The following EDIL3 variants were observed in gnomAD, a reference collection of about 807,000 sequenced individuals.
The protein encoded by EDIL3 is EGF like and discoidin domains 3, also known as EGF-like repeat and discoidin I-like domain-containing protein 3.
Under a neutral mutation model 67.4 loss-of-function variants are expected in EDIL3, and 37 were observed. That is an observed-to-expected ratio of 0.55 (90% confidence interval 0.42 to 0.72). The LOEUF (loss-of-function observed/expected upper bound fraction) is 0.72. Ranked by LOEUF, EDIL3 falls within the 30% of genes least tolerant of loss-of-function variation. EDIL3 has a pLI of 0.00. For synonymous variants in EDIL3, 195 were observed against 196.3 expected, an observed-to-expected ratio of 0.99 and a Z score of 0.05; for missense variants, 527 against 586.3, an observed-to-expected ratio of 0.90 and a Z score of 1.04.
intron 1 of EDIL3, among the ~76,000 whole-genome samples, chr5:84,372,252 C>T (rs115151715): frequency 0.019 from 2,905 of 151,970 alleles, 94 homozygotes; most frequent in African/African-American, 0.066. Flanking sequence ...AAAATATGTA[C>T]GACTTCAGCA....
intron 3 of EDIL3, among the ~76,000 whole-genome samples, chr5:84,196,107 C>T (rs1743698439): frequency 6.6e-6 from 1 of 151,850 alleles, no homozygotes; most frequent in Admixed American, 6.6e-5. Flanking sequence ...ATGTTGTTGC[C>T]TCTACCTTCA....
At chr5:84,213,190 GGT>G (rs1491340847) in intron 3 of EDIL3, among the ~76,000 whole-genome samples, 13 of 71,032 alleles carry the variant, frequency 1.8e-4, no homozygotes, top group East Asian at 1.7e-3. Context: ...TATTTTCAGT[GGT>G]TTTTTTTTTT....
At chr5:84,279,131 C>A (rs1236400997) in intron 1 of EDIL3, among the ~76,000 whole-genome samples, 1 of 152,090 alleles carries the variant, frequency 6.6e-6, no homozygotes, top group African/African-American at 2.4e-5. Context: ...TGTAAATTTC[C>A]TACCTCCCTT....
intron 9 of EDIL3, among the ~76,000 whole-genome samples, chr5:84,026,003 G>T (rs1396467286): frequency 2.6e-5 from 4 of 151,956 alleles, no homozygotes; most frequent in Non-Finnish European, 2.9e-5. Flanking sequence ...CATAAATTTG[G>T]TTTCATAAAA....
At chr5:83,955,549 T>C (rs1744500680) in intron 10 of EDIL3, among the ~76,000 whole-genome samples, 1 of 151,722 alleles carries the variant, frequency 6.6e-6, no homozygotes, top group Non-Finnish European at 1.5e-5. Flanking sequence ...AGCATGTATT[T>C]ACTCCTTATT....
chr5:83,993,227 C>T (rs1249317857), intron 9 of EDIL3, among the ~76,000 whole-genome samples: 1 of 152,070 alleles, frequency 6.6e-6, no homozygotes, highest in Non-Finnish European at 1.5e-5. Context: ...GGATAGTGTA[C>T]AGTTGCCCAA....
At chr5:84,298,473 T>C (rs1368522403) in intron 1 of EDIL3, among the ~76,000 whole-genome samples, 1 of 152,070 alleles carries the variant, frequency 6.6e-6, no homozygotes, top group African/African-American at 2.4e-5. Context: ...CTGGGGCCTG[T>C]CAGAGGCTTG....
At chr5:84,322,567 A>G (rs1248819451) in intron 1 of EDIL3, among the ~76,000 whole-genome samples, 1 of 152,144 alleles carries the variant, frequency 6.6e-6, no homozygotes, top group Non-Finnish European at 1.5e-5. Context: ...AACAGAACCT[A>G]TGAAACAGAG....
chr5:84,195,810 T>C (rs1743691950), intron 3 of EDIL3, among the ~76,000 whole-genome samples: 1 of 152,016 alleles, frequency 6.6e-6, no homozygotes, highest in Admixed American at 6.6e-5. Flanking sequence ...TTTTTCTAGA[T>C]AAAAGAATTT....
At chr5:84,058,926 T>C (rs567431503) in intron 9 of EDIL3, among the ~76,000 whole-genome samples, 1 of 152,078 alleles carries the variant, frequency 6.6e-6, no homozygotes, top group Non-Finnish European at 1.5e-5. Context: ...ATACTCCTTA[T>C]CTTCAAAAAG....
In EDIL3 at chr5:84,266,365, G is replaced by A. The variant is rs942459770; in HGVS notation, c.68-12153C>T. On this transcript the variant is annotated intron_variant, in intron 1 of 10. Coordinates refer to ENST00000296591, the MANE Select transcript of EDIL3 (RefSeq NM_005711.5). ...ACATGAAAGAGGAGGGCTTTATGCA[G>A]CTCTAACCCAAAGCTCAGAAACCAG... 2.6e-5 allele frequency among the ~76,000 whole-genome samples: 4 copies of A among 152,116 alleles called. No homozygotes were observed. The South Asian group carries it at 8.3e-4, about 32-fold the overall frequency.
chr5:84,230,784 T>G (rs2112044260), intron 2 of EDIL3, among the ~76,000 whole-genome samples: 1 of 151,982 alleles, frequency 6.6e-6, no homozygotes, highest in East Asian at 2.0e-4. Context: ...TGTGTGTGTG[T>G]GTGTGTGTGT....
intron 9 of EDIL3, among the ~76,000 whole-genome samples, chr5:84,028,417 C>A (rs987817071): frequency 6.6e-6 from 1 of 152,134 alleles, no homozygotes; most frequent in African/African-American, 2.4e-5. Flanking sequence ...ATTGAAAAGG[C>A]AATATGATTT....
chr5:83,986,704 A>C (rs1176593215), intron 9 of EDIL3, among the ~76,000 whole-genome samples: 1 of 152,134 alleles, frequency 6.6e-6, no homozygotes, highest in South Asian at 2.1e-4. Context: ...GTAAGAACAA[A>C]ATACCTGTAG....
At chr5:84,377,499 C>T (rs1194778634) in intron 1 of EDIL3, among the ~76,000 whole-genome samples, 1 of 152,102 alleles carries the variant, frequency 6.6e-6, no homozygotes, top group African/African-American at 2.4e-5. Flanking sequence ...TTCATCCTGG[C>T]TGACCTCAAA....
intron 4 of EDIL3, among the ~76,000 whole-genome samples, chr5:84,168,431 C>A (rs1199286861): frequency 6.6e-6 from 1 of 152,028 alleles, no homozygotes; most frequent in African/African-American, 2.4e-5. Flanking sequence ...TTCCTTGTAC[C>A]TGTACATACC....
chr5:84,111,893 G>A (rs1361847884), intron 5 of EDIL3, among the ~76,000 whole-genome samples: 1 of 152,126 alleles, frequency 6.6e-6, no homozygotes, highest in Non-Finnish European at 1.5e-5. Flanking sequence ...TTCAGTGGGA[G>A]AAGAGAAGAG....
intron 3 of EDIL3, among the ~76,000 whole-genome samples, chr5:84,205,162 C>T (rs1161414123): frequency 1.3e-5 from 2 of 151,762 alleles, no homozygotes; most frequent in African/African-American, 2.4e-5. Context: ...CTGATCCTCC[C>T]GCCTAGGCAT....
At chr5:84,196,975 T>G (rs1021912651) in intron 3 of EDIL3, 1 of 152,160 alleles carries the variant, frequency 6.6e-6, no homozygotes, top group South Asian at 2.1e-4. Flanking sequence ...TTATGTCAAC[T>G]GGGACCCAAG....
Sources: allele counts gnomAD v4.1 joint callset (sites outside exome capture counted in the v4.1 genomes callset), GRCh38; gene constraint gnomAD v4.1.1; transcripts MANE v1.5; gene names NCBI Gene and HGNC (gene_info 2026-07-23, HGNC 2026-07-21).